Variants in ZNF224 observed in about 807,000 individuals in gnomAD.
ZNF224 encodes the protein zinc finger protein 224.
ZNF224 carries 8 observed loss-of-function variants against 10.5 expected under a neutral mutation model. That is an observed-to-expected ratio of 0.76 (90% CI 0.45 to 1.37). The LOEUF is 1.37. Ranked by LOEUF, ZNF224 falls within the 40% of genes most tolerant of loss-of-function variation. ZNF224 has a pLI of 0.00. For missense variants in ZNF224, 754 were observed against 854.0 expected, an observed-to-expected ratio of 0.88 and a Z score of 1.46; for synonymous variants, 282 against 287.8, an observed-to-expected ratio of 0.98 and a Z score of 0.20.
intron 3 of ZNF224, among the ~76,000 whole-genome samples, chr19:44,098,738 CA>C (rs1041941731): frequency 1.4e-4 from 21 of 152,240 alleles, no homozygotes; most frequent in African/African-American, 4.8e-4. Flanking sequence ...CATGCGTCAC[CA>C]TGCCTAATTT....
In ZNF224 at chr19:44,106,386, A is replaced by T; in HGVS notation, c.236-10A>T. The T allele has an allele frequency of 6.2e-7, 1 of 1,613,954 alleles. No homozygotes were observed. Among genetic ancestry groups the T allele is most frequent in the East Asian group, 2.2e-5 (1 of 44,872 alleles). Reference sequence around the variant, plus strand: ...ACTTGTCCTCATCTTTTAATTCTGTATTCTGATAGGAGACAAGATCCAAAC... The same window carrying T: ...ACTTGTCCTCATCTTTTAATTCTGTTTTCTGATAGGAGACAAGATCCAAAC... On this transcript the variant is annotated splice_polypyrimidine_tract_variant and intron_variant, in intron 5 of 5. Transcript: ENST00000693561.
intron 3 of ZNF224, among the ~76,000 whole-genome samples, chr19:44,099,848 ACATAAT>A (rs904645824): frequency 6.6e-6 from 1 of 152,212 alleles, no homozygotes; most frequent in African/African-American, 2.4e-5. Context: ...AGAAAACATG[ACATAAT>A]CATAATATTA....
chr19:44,108,046 A>G lies in ZNF224; in HGVS notation c.1886A>G (p.His629Arg), dbSNP rs1967741336. Reference protein sequence around the residue: ...SRETPLKCEQHGKNIVQNSFS... With the variant: ...SRETPLKCEQRGKNIVQNSFS... Reference sequence around the variant, plus strand: ...GAAACACCTCTCAAATGTGAGCAGCATGGGAAGAACATTGTACAGAATTCA... The same window carrying G: ...GAAACACCTCTCAAATGTGAGCAGCGTGGGAAGAACATTGTACAGAATTCA... The change falls in exon 6 of 6, where the codon CAT becomes CGT. Residue 629 changes from histidine (H) to arginine (R), a missense_variant. His to Arg is a conservative substitution (Grantham distance 29, BLOSUM62 0). Coordinates refer to ENST00000693561, the MANE Select transcript of ZNF224 (RefSeq NM_001321645.3). The G allele has an allele frequency of 1.2e-6, 2 of 1,612,258 alleles. No homozygotes were observed. The highest frequency in any genetic ancestry group is 1.7e-6 in the Non-Finnish European group (2 of 1,178,696).
rs1967709244 is a variant in ZNF224, at chr19:44,107,489, T to G, written c.1329T>G (p.Leu443=). The G allele has an allele frequency of 1.2e-6, 2 of 1,603,916 alleles. No homozygotes were observed. The highest frequency in any genetic ancestry group is 2.7e-5 in the African/African-American group (2 of 74,402). The change falls in exon 6 of 6, where the codon CTT becomes CTG. Residue 443 remains leucine, a synonymous_variant. Transcript: ENST00000693561. The stretch of plus-strand genomic sequence containing the variant: ...AGGGCTACAAAAGGAGGTTGGATCT[T>G]GACTTTCACCAGCGCGTCCATACAG... The part of the protein sequence containing the change: ...CGKGYKRRLD[L]DFHQRVHTGE...
rs750107605 is a variant in ZNF224 at position 44,106,743 on chromosome 19, CAG to C, written c.588_589del (p.Arg196SerfsTer9). ...TTACATCTCAGCCCTTCGTATTCAT[CAG>C]AGAGTCCACATGGGAGAGAAATGCT... ...FCYISALRIHQRVHMGEKCYK... is the reference protein window; with the variant it reads ...FCYISALRIHXRVHMGEKCYK... On this transcript the variant is annotated frameshift_variant, in exon 6 of 6. Transcript: ENST00000693561. LOFTEE classifies it low-confidence loss of function (END_TRUNC). 2.1e-5 allele frequency: 34 copies of C among 1,611,538 alleles called. No individual in the cohort carries two copies. Among genetic ancestry groups the C allele is most frequent in the Admixed American group, 8.4e-5 (5 of 59,852 alleles).
At chr19:44,103,582 G>A (rs571403557) in intron 5 of ZNF224, among the ~76,000 whole-genome samples, 26 of 152,218 alleles carry the variant, frequency 1.7e-4, no homozygotes, top group Admixed American at 1.3e-3. Context: ...ATGCTCATTA[G>A]AAGGTTTTAA....
chr19:44,107,431 G>C lies in ZNF224; in HGVS notation c.1271G>C (p.Gly424Ala). 1 of 1,608,112 alleles carries C rather than the reference G, an allele frequency of 6.2e-7. No homozygotes were observed. The highest frequency in any genetic ancestry group is 8.5e-7 in the Non-Finnish European group (1 of 1,177,958). Residue 424 changes from glycine (G) to alanine (A), a missense_variant, in exon 6 of 6, where the codon GGA (glycine) becomes GCA (alanine). By Grantham distance (60) the Gly-to-Ala change is moderately conservative. Transcript: ENST00000693561. ...TATTCCCACCAGAGATCCCATAGTG[G>C]AGAAAAACCATACAAATGTGTGGAG... is the stretch of plus-strand genomic sequence containing the variant. The part of the protein sequence containing the change: ...QCYSHQRSHS[G>A]EKPYKCVECG...
At chr19:44,103,280 G>T (rs75239097) in intron 5 of ZNF224, among the ~76,000 whole-genome samples, 1 of 152,218 alleles carries the variant, frequency 6.6e-6, no homozygotes, top group East Asian at 1.9e-4. Context: ...ATATTCCAGC[G>T]TGTACCATTG....
At chr19:44,106,176 A>G (rs1379392418) in intron 5 of ZNF224, 7 of 570,488 alleles carry the variant, frequency 1.2e-5, no homozygotes, top group Middle Eastern at 4.7e-4. Flanking sequence ...GTCAACATCT[A>G]TTGTTTTTCG....
intron 3 of ZNF224, among the ~76,000 whole-genome samples, chr19:44,099,426 A>G (rs901121939): frequency 6.6e-6 from 1 of 152,264 alleles, no homozygotes; most frequent in Non-Finnish European, 1.5e-5. Flanking sequence ...TCTTATGCCC[A>G]GACCAGGGAA....
intron 5 of ZNF224, chr19:44,106,176 A>C: frequency 1.8e-6 from 1 of 570,488 alleles, no homozygotes; most frequent in Non-Finnish European, 3.1e-6. Flanking sequence ...GTCAACATCT[A>C]TTGTTTTTCG....
At chr19:44,105,236 CCT>C (rs1461362887) in intron 5 of ZNF224, 1 of 152,206 alleles carries the variant, frequency 6.6e-6, no homozygotes, top group African/African-American at 2.4e-5. Context: ...CTAGACATTA[CCT>C]CTCAGATCCT....
In ZNF224 at chr19:44,107,532, T is replaced by G. The variant is rs747216974; in HGVS notation, c.1372T>G (p.Cys458Gly). ...RVHTGEKLYN[C>G]KECGKSFSRA... ...CCATACAGGAGAGAAACTGTATAATTGTAAGGAATGTGGGAAGAGCTTTAG... is the reference window on the plus strand; with the variant it reads ...CCATACAGGAGAGAAACTGTATAATGGTAAGGAATGTGGGAAGAGCTTTAG... Residue 458 changes from cysteine to glycine, a missense_variant, in exon 6 of 6, where the codon TGT becomes GGT. Physicochemically the swap from Cys to Gly is radical, Grantham distance 159 (BLOSUM62 -3). Coordinates refer to ENST00000693561, the MANE Select transcript of ZNF224 (RefSeq NM_001321645.3). 1 of 1,611,712 alleles carries G rather than the reference T, an allele frequency of 6.2e-7. No homozygotes were observed. The highest frequency in any genetic ancestry group is 8.5e-7 in the Non-Finnish European group (1 of 1,179,104).
chr19:44,096,172 T>G (rs1967432998), intron 1 of ZNF224, 171 bp from the exon 2 acceptor site: 2 of 152,198 alleles, frequency 1.3e-5, no homozygotes, highest in Non-Finnish European at 1.5e-5. Context: ...ATCTCATTAT[T>G]GTTATTATTT....
At chr19:44,102,657 G>A (rs955728868) in intron 5 of ZNF224, among the ~76,000 whole-genome samples, 2 of 152,122 alleles carry the variant, frequency 1.3e-5, no homozygotes, top group African/African-American at 4.8e-5. Flanking sequence ...CACATCCCAT[G>A]GAAACTTCTA....
intron 5 of ZNF224, chr19:44,105,404 C>T (rs1355605460): frequency 6.6e-6 from 1 of 152,170 alleles, no homozygotes; most frequent in Non-Finnish European, 1.5e-5. Flanking sequence ...TTATTAGCTT[C>T]ATAATTTACC....
At chr19:44,105,195 A>C (rs1967630551) in intron 5 of ZNF224, 1 of 152,238 alleles carries the variant, frequency 6.6e-6, no homozygotes, top group Non-Finnish European at 1.5e-5. Flanking sequence ...ACTCTCAAGC[A>C]AACAAAGACA....
At chr19:44,098,382 G>A (rs1416692636) in intron 3 of ZNF224, among the ~76,000 whole-genome samples, 1 of 152,190 alleles carries the variant, frequency 6.6e-6, no homozygotes, top group African/African-American at 2.4e-5. Context: ...CACGTTGGCT[G>A]TTTTGTAGAT....
chr19:44,102,783 A>G (rs928927527), intron 5 of ZNF224, among the ~76,000 whole-genome samples: 8 of 152,172 alleles, frequency 5.3e-5, no homozygotes, highest in Non-Finnish European at 1.2e-4. Context: ...GAACATTCTG[A>G]TGTCTACTAG....
Sources: allele counts gnomAD v4.1 joint callset (sites outside exome capture counted in the v4.1 genomes callset), GRCh38; gene constraint gnomAD v4.1.1; transcripts MANE v1.5; gene names NCBI Gene and HGNC (gene_info 2026-07-23, HGNC 2026-07-21).